Variants in RBMS2 observed in about 807,000 individuals in gnomAD.
The protein encoded by RBMS2 is RNA binding motif single stranded interacting protein 2, also known as RNA-binding motif, single-stranded-interacting protein 2.
A neutral mutation model predicts 58.4 loss-of-function variants in RBMS2; 38 were observed. The observed-to-expected ratio is 0.65, with a 90% CI of 0.50 to 0.85. The LOEUF (loss-of-function observed/expected upper bound fraction) is 0.85, where lower values mean the gene tolerates loss of function less well. Ranked by LOEUF, RBMS2 falls within the 40% of genes least tolerant of loss-of-function variation. The pLI is 0.00. For missense variants in RBMS2, 367 were observed against 503.7 expected, an observed-to-expected ratio of 0.73 and a Z score of 2.60; for synonymous variants, 151 against 180.7, an observed-to-expected ratio of 0.84 and a Z score of 1.32.
rs188854040 is a variant in RBMS2 at position 56,583,364 on chromosome 12, T to A, written c.873+1212T>A. ...GGTGCTACTGCTCTTTTAAAATTGT[T>A]CCTGTCTTGCTGGGCACGGTGGCTC... On this transcript the variant is annotated intron_variant, in intron 9 of 13. Coordinates refer to ENST00000262031, the MANE Select transcript of RBMS2 (RefSeq NM_002898.4). Among the ~76,000 whole-genome samples the A allele has an allele frequency of 3.3e-4, 50 of 152,276 alleles. No individual in the cohort carries two copies. The East Asian group carries it at 7.1e-3, about 22-fold the overall frequency.
At chr12:56,578,670 A>T (rs991401275) in intron 5 of RBMS2, among the ~76,000 whole-genome samples, 4 of 152,196 alleles carry the variant, frequency 2.6e-5, no homozygotes, top group Non-Finnish European at 5.9e-5. Flanking sequence ...CAGGAATTTT[A>T]AAAATTTCTT....
chr12:56,583,469 C>A (rs542019863), intron 9 of RBMS2, among the ~76,000 whole-genome samples: 4 of 152,108 alleles, frequency 2.6e-5, no homozygotes, highest in Non-Finnish European at 5.9e-5. Flanking sequence ...GCCTGGCCAA[C>A]ATGGTGAAAC....
intron 1 of RBMS2, chr12:56,539,638 TA>T (rs748376023): frequency 9.0e-6 from 4 of 446,008 alleles, no homozygotes; most frequent in South Asian, 4.8e-5. Flanking sequence ...TTTTATATAA[TA>T]GACAGTATTT....
intron 2 of RBMS2, among the ~76,000 whole-genome samples, chr12:56,563,560 A>T (rs1880815623): frequency 1.3e-5 from 2 of 152,270 alleles, no homozygotes; most frequent in South Asian, 4.1e-4. Flanking sequence ...CCCAATTAGG[A>T]ATGTTGGAAA....
intron 1 of RBMS2, among the ~76,000 whole-genome samples, chr12:56,552,103 C>T (rs1260769474): frequency 2.0e-5 from 3 of 152,056 alleles, no homozygotes; most frequent in East Asian, 1.9e-4. Flanking sequence ...AGTGTGATGA[C>T]GAGTCTTGAA....
intron 1 of RBMS2, among the ~76,000 whole-genome samples, chr12:56,562,029 C>T (rs1180378498): frequency 1.3e-5 from 2 of 151,808 alleles, no homozygotes; most frequent in East Asian, 2.0e-4. Flanking sequence ...ACAATGGTCT[C>T]GATCTCCTGA....
chr12:56,576,752 A>T (rs1189886205), intron 5 of RBMS2, among the ~76,000 whole-genome samples: 1 of 152,084 alleles, frequency 6.6e-6, no homozygotes, highest in Non-Finnish European at 1.5e-5. Context: ...TAAATTAAAA[A>T]TTTTGGCCAG....
At chr12:56,566,413 T>C (rs776653896) in intron 2 of RBMS2, among the ~76,000 whole-genome samples, 2 of 152,228 alleles carry the variant, frequency 1.3e-5, no homozygotes, top group Non-Finnish European at 1.5e-5. Context: ...AGAGGCTTTT[T>C]TCTAGTGGAA....
chr12:56,550,796 T>C (rs1197696639), intron 1 of RBMS2, among the ~76,000 whole-genome samples: 1 of 151,194 alleles, frequency 6.6e-6, no homozygotes, highest in Non-Finnish European at 1.5e-5. Flanking sequence ...GAGCCGAGAT[T>C]GCGCCATCGC....
chr12:56,524,849 A>G (rs747460992), intron 1 of RBMS2, among the ~76,000 whole-genome samples: 2 of 151,456 alleles, frequency 1.3e-5, no homozygotes, highest in African/African-American at 2.4e-5. Flanking sequence ...CTTTCTGACT[A>G]GTTGGGATTA....
At position 56,521,831 on chromosome 12, in the gene RBMS2, A is replaced by G. The variant is rs1323953757; in HGVS notation, c.-193A>G. 2 of 570,894 alleles carry G rather than the reference A, an allele frequency of 3.5e-6. No individual in the cohort carries two copies. The highest frequency in any genetic ancestry group is 3.9e-5 in the African/African-American group (2 of 51,712). The allele number at this position is 570,894 out of a possible 1,614,324, so 35.4% of individuals were successfully genotyped here. A position where few individuals can be genotyped will look rare whatever the true frequency, so the allele number is the denominator to read the frequency against. ...TGACGTAAAGGAGCAGCCCGAGCTC[A>G]TTCTCTGCCCGCAGCCCCCCTTCAT... is the stretch of plus-strand genomic sequence containing the variant. On this transcript the variant is annotated 5_prime_UTR_variant, in exon 1 of 14. Transcript: ENST00000262031.
At chr12:56,569,770 C>G in intron 3 of RBMS2, 129 bp from the exon 4 acceptor site, 1 of 807,368 alleles carries the variant, frequency 1.2e-6, no homozygotes. Context: ...CCTGAAACCT[C>G]TCAATAGCTC....
chr12:56,570,677 A>T (rs772803099), intron 4 of RBMS2, among the ~76,000 whole-genome samples: 11 of 152,170 alleles, frequency 7.2e-5, no homozygotes, highest in Non-Finnish European at 1.5e-4. Context: ...TCCCGGCTTC[A>T]CGCCATTCTC....
In RBMS2 at chr12:56,571,724, A is replaced by G; in HGVS notation, c.411A>G (p.Leu137=). The G allele has an allele frequency of 6.4e-7, 1 of 1,573,672 alleles. No homozygotes were observed. The highest frequency in any genetic ancestry group is 2.3e-5 in the East Asian group (1 of 43,424). The part of the protein sequence containing the change: ...AKQQEQDPTN[L]YISNLPLSMD... ...AACAGGAACAGGACCCCACAAATTTATACATCTCAAACCTCCCACTGTCAA... is the reference window on the plus strand; with the variant it reads ...AACAGGAACAGGACCCCACAAATTTGTACATCTCAAACCTCCCACTGTCAA... Residue 137 remains leucine, a synonymous_variant, in exon 5 of 14, where the codon TTA becomes TTG. Transcript: ENST00000262031.
At chr12:56,523,724 C>T (rs1486139655) in intron 1 of RBMS2, among the ~76,000 whole-genome samples, 1 of 152,182 alleles carries the variant, frequency 6.6e-6, no homozygotes, top group African/African-American at 2.4e-5. Flanking sequence ...TGTGCCACTG[C>T]ACTCCAGCCT....
At chr12:56,569,232 A>C (rs916184341) in intron 3 of RBMS2, among the ~76,000 whole-genome samples, 199 bp downstream of exon 3, 3 of 152,238 alleles carry the variant, frequency 2.0e-5, no homozygotes, top group African/African-American at 7.2e-5. Flanking sequence ...TAGGGGCCCC[A>C]AGGCCAGAAG....
rs562020176 is a variant in RBMS2, at chr12:56,546,156, C to T, written c.67-16261C>T. ...TTTTTGAGACAGAGTCTTGCTCTGT[C>T]GCCCAGGCTGGAGTGCAGTGGTGCG... On this transcript the variant is annotated intron_variant, in intron 1 of 13. Coordinates refer to ENST00000262031, the MANE Select transcript of RBMS2 (RefSeq NM_002898.4). 2.2e-4 allele frequency among the ~76,000 whole-genome samples: 32 copies of T among 147,962 alleles called. No individual in the cohort carries two copies. The South Asian group carries it at 6.7e-3, about 31-fold the overall frequency.
At chr12:56,561,425 A>G (rs1003328584) in intron 1 of RBMS2, among the ~76,000 whole-genome samples, 1 of 152,116 alleles carries the variant, frequency 6.6e-6, no homozygotes, top group Non-Finnish European at 1.5e-5. Context: ...TCATAACCTC[A>G]CTAGCATCTG....
At chr12:56,533,559 G>T (rs1874202786) in intron 1 of RBMS2, among the ~76,000 whole-genome samples, 1 of 151,240 alleles carries the variant, frequency 6.6e-6, no homozygotes, top group East Asian at 1.9e-4. Flanking sequence ...GGGACTATAG[G>T]CGCATGCCAC....
Sources: gnomAD v4.1 joint callset for allele counts (sites outside exome capture counted in the v4.1 genomes callset) on GRCh38, gnomAD v4.1.1 for gene constraint, MANE v1.5 for transcripts, NCBI Gene and HGNC (gene_info 2026-07-23, HGNC 2026-07-21) for gene names.